The following DOCK2 variants were observed in gnomAD, a reference collection of about 807,000 sequenced individuals.
DOCK2 encodes dedicator of cytokinesis protein 2.
Under a neutral mutation model 248.9 loss-of-function variants are expected in DOCK2, and 87 were observed. The observed-to-expected ratio is 0.35, with a 90% CI of 0.29 to 0.42. The LOEUF (loss-of-function observed/expected upper bound fraction) is 0.42, where lower values mean the gene tolerates loss of function less well. DOCK2 is among the 10% of genes least tolerant of loss of function. DOCK2 has a pLI of 1.00. For synonymous variants in DOCK2, 805 were observed against 821.6 expected, an observed-to-expected ratio of 0.98 and a Z score of 0.35; for missense variants, 1,747 against 2,300.2, an observed-to-expected ratio of 0.76 and a Z score of 4.92.
intron 22 of DOCK2, among the ~76,000 whole-genome samples, chr5:169,742,916 C>G (rs928125903): frequency 6.6e-6 from 1 of 152,198 alleles, no homozygotes; most frequent in Admixed American, 6.5e-5. Context: ...GCAGGTTGTT[C>G]CAGTTTTCCT....
chr5:169,855,467 G>T (rs1770835227), intron 27 of DOCK2, among the ~76,000 whole-genome samples: 1 of 152,196 alleles, frequency 6.6e-6, no homozygotes, highest in African/African-American at 2.4e-5. Flanking sequence ...CGCTAGAGTG[G>T]CGTTAGATTA....
chr5:169,873,452 A>G (rs1380541623), intron 27 of DOCK2, among the ~76,000 whole-genome samples: 1 of 152,178 alleles, frequency 6.6e-6, no homozygotes, highest in East Asian at 1.9e-4. Context: ...CTCAGTCCAT[A>G]TTGGAATTTG....
intron 27 of DOCK2, among the ~76,000 whole-genome samples, chr5:169,935,572 T>G (rs1434640192): frequency 6.6e-6 from 1 of 152,190 alleles, no homozygotes; most frequent in South Asian, 2.1e-4. Context: ...CACCAAGACA[T>G]GCTGGTGGAG....
intron 15 of DOCK2, among the ~76,000 whole-genome samples, chr5:169,711,110 C>T (rs1288870626): frequency 6.6e-6 from 1 of 152,196 alleles, no homozygotes; most frequent in Non-Finnish European, 1.5e-5. Context: ...TCCTCAGGCT[C>T]AAGCCTCATT....
At chr5:169,942,039 C>T (rs1021052393) in intron 27 of DOCK2, among the ~76,000 whole-genome samples, 1 of 152,188 alleles carries the variant, frequency 6.6e-6, no homozygotes, top group Non-Finnish European at 1.5e-5. Context: ...CTGTCGTTAG[C>T]CTGAACGAAA....
At chr5:169,972,917 T>A (rs1023145715) in intron 27 of DOCK2, among the ~76,000 whole-genome samples, 1 of 152,104 alleles carries the variant, frequency 6.6e-6, no homozygotes, top group Non-Finnish European at 1.5e-5. Context: ...CCCTCCCCAA[T>A]AAGCTGTTAG....
intron 26 of DOCK2, among the ~76,000 whole-genome samples, chr5:169,838,055 C>T (rs1267501601): frequency 6.6e-6 from 1 of 151,900 alleles, no homozygotes; most frequent in African/African-American, 2.4e-5. Context: ...CAAAGGAATG[C>T]AGAAAATATA....
At chr5:170,025,163 A>G (rs571154621) in intron 33 of DOCK2, among the ~76,000 whole-genome samples, 1 of 152,386 alleles carries the variant, frequency 6.6e-6, no homozygotes, top group South Asian at 2.1e-4. Context: ...TGCTTTACAT[A>G]TAAAATCTCT....
In DOCK2 at chr5:169,730,955, C is replaced by T. The variant is rs994373222; in HGVS notation, c.2267+12164C>T. 4.6e-5 allele frequency among the ~76,000 whole-genome samples: 7 copies of T among 152,222 alleles called. 1 individual carries two copies. In the Middle Eastern group the frequency reaches 0.017, roughly 370 times the overall value. On this transcript the variant is annotated intron_variant, in intron 22 of 51. Coordinates refer to ENST00000520908, the MANE Select transcript of DOCK2 (RefSeq NM_004946.3). ...GAAGTACAGTGGCATGATCACAGCT[C>T]ACTGTAGCCTTGAACTCCTGGGCTC... is the stretch of plus-strand genomic sequence containing the variant.
intron 27 of DOCK2, among the ~76,000 whole-genome samples, chr5:169,969,973 G>A (rs1410798777): frequency 6.6e-6 from 1 of 152,232 alleles, no homozygotes; most frequent in African/African-American, 2.4e-5. Context: ...TTAAAAACAT[G>A]ATGCTGGTCA....
At chr5:170,054,204 G>A (rs916121795) in intron 41 of DOCK2, among the ~76,000 whole-genome samples, 1 of 152,246 alleles carries the variant, frequency 6.6e-6, no homozygotes, top group East Asian at 1.9e-4. Context: ...TTGAATGCTA[G>A]CCAGAGGAGT....
At chr5:170,061,371 C>T (rs1263019328) in intron 44 of DOCK2, among the ~76,000 whole-genome samples, 1 of 152,214 alleles carries the variant, frequency 6.6e-6, no homozygotes, top group Non-Finnish European at 1.5e-5. Context: ...GTCTTTCCAG[C>T]TCTGCCCCGT....
At chr5:169,983,560 G>A (rs182617600) in intron 28 of DOCK2, among the ~76,000 whole-genome samples, 4 of 152,312 alleles carry the variant, frequency 2.6e-5, no homozygotes, top group Admixed American at 2.6e-4. Flanking sequence ...GAGGAAGTTG[G>A]TCTCTGGGCC....
chr5:169,707,097 A>AT, intron 14 of DOCK2, among the ~76,000 whole-genome samples: 1 of 152,308 alleles, frequency 6.6e-6, no homozygotes, highest in African/African-American at 2.4e-5. Context: ...AGGATTGAAA[A>AT]TTGTTTGGCC....
intron 6 of DOCK2, among the ~76,000 whole-genome samples, chr5:169,681,445 T>C (rs1042288422): frequency 6.6e-6 from 1 of 150,724 alleles, no homozygotes; most frequent in African/African-American, 2.5e-5. Flanking sequence ...TTTTTTTCAA[T>C]ACTTGCTGAT....
chr5:169,700,327 C>G (rs1429747676), intron 13 of DOCK2, among the ~76,000 whole-genome samples, 188 bp downstream of exon 13: 1 of 152,200 alleles, frequency 6.6e-6, no homozygotes, highest in Non-Finnish European at 1.5e-5. Context: ...AAAATAGACA[C>G]AAGCATGTAA....
At chr5:169,857,602 G>T (rs1039753013) in intron 27 of DOCK2, among the ~76,000 whole-genome samples, 1 of 152,090 alleles carries the variant, frequency 6.6e-6, no homozygotes, top group African/African-American at 2.4e-5. Context: ...ATTACCAGTG[G>T]CAGACCCTAA....
intron 44 of DOCK2, among the ~76,000 whole-genome samples, chr5:170,058,923 T>C (rs958631424): frequency 6.6e-6 from 1 of 152,140 alleles, no homozygotes; most frequent in African/African-American, 2.4e-5. Flanking sequence ...ATAACAATGA[T>C]GGTGATAGCA....
At chr5:169,882,933 G>A in intron 27 of DOCK2, 3 of 1,552,044 alleles carry the variant, frequency 1.9e-6, no homozygotes, top group African/African-American at 1.4e-5. Flanking sequence ...CTCTTCCTGG[G>A]TGGGCTGGCT....
Sources: gnomAD v4.1 joint callset for allele counts (sites outside exome capture counted in the v4.1 genomes callset) on GRCh38, gnomAD v4.1.1 for gene constraint, MANE v1.5 for transcripts, NCBI Gene and HGNC (gene_info 2026-07-23, HGNC 2026-07-21) for gene names.